DENND2C: variants seen among roughly 807,000 people sequenced by gnomAD.
DENND2C encodes DENN domain-containing protein 2C.
A neutral mutation model predicts 112.4 loss-of-function variants in DENND2C; 72 were observed. That is an observed-to-expected ratio of 0.64 (90% CI 0.53 to 0.78). The LOEUF (loss-of-function observed/expected upper bound fraction) is 0.78, where lower values mean the gene tolerates loss of function less well. Among genes scored for constraint, DENND2C ranks in the 30% least tolerant of loss-of-function variants. DENND2C has a pLI of 0.00. For synonymous variants in DENND2C, 329 were observed against 381.6 expected, an observed-to-expected ratio of 0.86 and a Z score of 1.61; for missense variants, 992 against 1,113.8, an observed-to-expected ratio of 0.89 and a Z score of 1.56.
chr1:114,668,924 A>G (rs766218119), intron 1 of DENND2C, among the ~76,000 whole-genome samples: 2 of 152,234 alleles, frequency 1.3e-5, no homozygotes, highest in Non-Finnish European at 2.9e-5. Flanking sequence ...ACAAAGAAGT[A>G]GATTATTTGA....
chr1:114,637,556 G>A (rs182659402), intron 3 of DENND2C, among the ~76,000 whole-genome samples: 4,008 of 151,118 alleles, frequency 0.027, 96 homozygotes, highest in Non-Finnish European at 0.034. Context: ...TTGCTCTGTC[G>A]CCCAGGTTGG....
rs1488490473 is a variant in DENND2C, at chr1:114,625,635, AC to A, written c.349del (p.Val117TyrfsTer16). ...FFKNESESNWVCSRVKEIESC... is the reference protein window; with the variant it reads ...FFKNESESNWXCSRVKEIESC... ...TTCAATTTCTTTGACCCGAGAACAT[AC>A]CCAGTTGGATTCTGATTCATTTTTA... On this transcript the variant is annotated frameshift_variant, in exon 4 of 21. Transcript: ENST00000393274. LOFTEE classifies it high-confidence loss of function. 6.2e-7 allele frequency: 1 copy of A among 1,614,142 alleles called. No individual in the cohort carries two copies. The highest frequency in any genetic ancestry group is 8.5e-7 in the Non-Finnish European group (1 of 1,180,020).
intron 14 of DENND2C, 36 bp from the exon 15 acceptor site, chr1:114,600,388 T>C (rs538654818): frequency 1.2e-6 from 2 of 1,612,496 alleles, no homozygotes; most frequent in East Asian, 2.2e-5. Flanking sequence ...TGAGCTAATG[T>C]TGGAAAACAA....
intron 1 of DENND2C, among the ~76,000 whole-genome samples, chr1:114,660,799 G>A (rs1046209589): frequency 2.2e-4 from 33 of 152,030 alleles, no homozygotes; most frequent in African/African-American, 8.0e-4. Context: ...TACCCATACA[G>A]CTGTGGTTAA....
At chr1:114,663,218 T>G (rs1052642100) in intron 1 of DENND2C, among the ~76,000 whole-genome samples, 1 of 152,222 alleles carries the variant, frequency 6.6e-6, no homozygotes, top group African/African-American at 2.4e-5. Context: ...TGTCCAACCC[T>G]CTGGGAACCA....
chr1:114,586,210 T>C (rs1655033039), intron 20 of DENND2C, among the ~76,000 whole-genome samples: 1 of 152,194 alleles, frequency 6.6e-6, no homozygotes, highest in African/African-American at 2.4e-5. Flanking sequence ...ATAAATGTGT[T>C]TCTGTATGAA....
chr1:114,642,403 C>A (rs1165047839), intron 3 of DENND2C, among the ~76,000 whole-genome samples: 1 of 152,162 alleles, frequency 6.6e-6, no homozygotes, highest in African/African-American at 2.4e-5. Flanking sequence ...TCCAATAATG[C>A]CAAATAATCT....
intron 1 of DENND2C, among the ~76,000 whole-genome samples, chr1:114,667,341 T>C (rs1657673982): frequency 6.6e-6 from 1 of 152,230 alleles, no homozygotes; most frequent in African/African-American, 2.4e-5. Flanking sequence ...CTTATTTACA[T>C]GTTGGGTTAT....
chr1:114,641,751 T>C (rs1267276060), intron 3 of DENND2C, among the ~76,000 whole-genome samples: 1 of 152,100 alleles, frequency 6.6e-6, no homozygotes, highest in Non-Finnish European at 1.5e-5. Flanking sequence ...TAATCCTTTA[T>C]AGCAACGCAC....
Position 114,667,423 on chromosome 1 carries a change from A to G in DENND2C, c.-574+2560T>C, listed in dbSNP as rs376809350. Among the ~76,000 whole-genome samples the G allele has an allele frequency of 1.3e-3, 194 of 152,202 alleles. 1 individual carries two copies. The highest frequency in any genetic ancestry group is 4.3e-3 in the African/African-American group (179 of 41,572). On this transcript the variant is annotated intron_variant, in intron 1 of 20. Coordinates refer to ENST00000393274, the MANE Select transcript of DENND2C (RefSeq NM_001256404.2). The stretch of plus-strand genomic sequence containing the variant: ...CTTAATTTACAGTCTGAGAACAGAT[A>G]TTTTTAACTTCTTAATGAAAGAAGT...
chr1:114,648,380 A>G (rs183806818), intron 2 of DENND2C, among the ~76,000 whole-genome samples: 1 of 152,350 alleles, frequency 6.6e-6, no homozygotes, highest in African/African-American at 2.4e-5. Context: ...CAGGGCCTCA[A>G]AGGCCAAAAC....
chr1:114,599,278 T>C lies in DENND2C; in HGVS notation c.2279A>G (p.Glu760Gly), dbSNP rs766945962. The C allele has an allele frequency of 2.5e-6, 4 of 1,605,974 alleles. No homozygotes were observed. Among genetic ancestry groups the C allele is most frequent in the Non-Finnish European group, 3.4e-6 (4 of 1,174,816 alleles). ...GGTTCCATTCTTCTATCTCACCTCT[T>C]CAATGGGTAGGTCCTGGAGCTGTGG... ...SLPQLQDLPIEEVLIVDLCAD... is the reference protein window; with the variant it reads ...SLPQLQDLPIGEVLIVDLCAD... Residue 760 changes from glutamate (E) to glycine (G), a missense_variant, in exon 16 of 21, where the codon GAA (glutamate) becomes GGA (glycine). This residue lies in a region of DENND2C where 516 missense variants were observed against 623.6 expected (regional missense o/e 0.83). Coordinates refer to ENST00000393274, the MANE Select transcript of DENND2C (RefSeq NM_001256404.2).
chr1:114,650,673 CAAAA>C (rs58693255), intron 2 of DENND2C, among the ~76,000 whole-genome samples: 1 of 61,614 alleles, frequency 1.6e-5, no homozygotes, highest in Non-Finnish European at 2.8e-5. Context: ...GACTCCGTCT[CAAAA>C]AAAAAAAAAA....
chr1:114,615,298 T>C (rs994483010), intron 8 of DENND2C, among the ~76,000 whole-genome samples: 2 of 152,154 alleles, frequency 1.3e-5, no homozygotes, highest in African/African-American at 2.4e-5. Context: ...CCTTTGACAA[T>C]ACCATTGTTG....
chr1:114,601,007 T>A (rs377671196), intron 13 of DENND2C, 47 bp from the exon 14 acceptor site: 234 of 1,561,620 alleles, frequency 1.5e-4, no homozygotes, highest in Non-Finnish European at 2.0e-4. Context: ...TTAAAAAATA[T>A]AAAAGAATGC....
At chr1:114,667,373 G>A (rs1395900871) in intron 1 of DENND2C, among the ~76,000 whole-genome samples, 1 of 152,174 alleles carries the variant, frequency 6.6e-6, no homozygotes, top group East Asian at 1.9e-4. Context: ...AGACAGGGAA[G>A]CATTTTCTCT....
At chr1:114,588,012 ACACTGG>A (rs1655088970) in intron 18 of DENND2C, 60 bp from the exon 19 acceptor site, 2 of 1,436,122 alleles carry the variant, frequency 1.4e-6, no homozygotes, top group South Asian at 1.2e-5. Context: ...GTATCTGGAA[ACACTGG>A]CTCTGGTTAT....
intron 1 of DENND2C, among the ~76,000 whole-genome samples, chr1:114,656,832 A>G (rs924449639): frequency 7.9e-5 from 12 of 151,548 alleles, no homozygotes; most frequent in Non-Finnish European, 7.4e-5. Flanking sequence ...GCTCACTGCA[A>G]CCTCCACCTC....
chr1:114,650,342 A>AT (rs1657119505), intron 2 of DENND2C, among the ~76,000 whole-genome samples: 1 of 147,544 alleles, frequency 6.8e-6, no homozygotes, highest in South Asian at 2.1e-4. Context: ...AAAAGATGCA[A>AT]TTTTCAAGAA....
Sources: gnomAD v4.1 joint callset for allele counts (sites outside exome capture counted in the v4.1 genomes callset) on GRCh38, gnomAD v4.1.1 for gene constraint, gnomAD v4.1.1 regional missense constraint, MANE v1.5 for transcripts, NCBI Gene and HGNC (gene_info 2026-07-23, HGNC 2026-07-21) for gene names.